FAM131B: variants seen among roughly 807,000 people sequenced by gnomAD.
The protein encoded by FAM131B is family with sequence similarity 131 member B, also known as protein FAM131B.
Under a neutral mutation model 42.0 loss-of-function variants are expected in FAM131B, and 19 were observed. The observed-to-expected ratio is 0.45, with a 90% confidence interval of 0.32 to 0.66. The LOEUF (loss-of-function observed/expected upper bound fraction) is 0.66. Among genes scored for constraint, FAM131B ranks in the 30% least tolerant of loss-of-function variants. The probability of loss-of-function intolerance (pLI) is 0.05; values close to 1 mark genes in which losing one functional copy is unlikely to be tolerated. For missense variants in FAM131B, 370 were observed against 468.4 expected (o/e 0.79, Z 1.94); for synonymous variants, 183 against 177.6 (o/e 1.03, Z -0.24).
In FAM131B at chr7:143,359,056, G is replaced by A; in HGVS notation, c.269-32C>T. On this transcript the variant is annotated intron_variant, in intron 4 of 6. Coordinates refer to ENST00000443739, the MANE Select transcript of FAM131B (RefSeq NM_001031690.3). The surrounding 1 kb of genome is among the most constrained non-coding windows in gnomAD (Gnocchi z 5.4). ...GGCCAGACATTTCCCACATCCTCCA[G>A]AATATCACACAATACCCATAACCAG... 1 of 1,601,484 alleles carries A rather than the reference G, an allele frequency of 6.2e-7. No individual in the cohort carries two copies. Among genetic ancestry groups the A allele is most frequent in the South Asian group, 1.1e-5 (1 of 90,196 alleles).
the FAM131B span, among the ~76,000 whole-genome samples, chr7:143,372,579 G>C: frequency 2.2e-3 from 331 of 152,328 alleles, 2 homozygotes; most frequent in African/African-American, 7.5e-3. Context: ...CCTGCAATGG[G>C]ACTAGCGTGA....
At position 143,359,908 on chromosome 7, in the gene FAM131B, T is replaced by A. The variant is rs1803873653; in HGVS notation, c.138+132A>T. On this transcript the variant is annotated intron_variant, in intron 2 of 6. Coordinates refer to ENST00000443739, the MANE Select transcript of FAM131B (RefSeq NM_001031690.3). This position sits in a 1 kb window ranked among gnomAD's most constrained non-coding sequence, Gnocchi z 5.4. ...TTGATGCCGCTAACTGGGTTCTCCA[T>A]GTGGACTGCTTGGCATGTGTTGTGA... 5 of 992,480 alleles carry A rather than the reference T, an allele frequency of 5.0e-6. No individual in the cohort carries two copies. The highest frequency in any genetic ancestry group is 1.6e-5 in the African/African-American group (1 of 62,472). The allele number at this position is 992,480 out of a possible 1,614,324, so 61.5% of individuals were successfully genotyped here.
the FAM131B span, chr7:143,379,983 T>C: frequency 1.9e-5 from 16 of 837,572 alleles, no homozygotes; most frequent in Middle Eastern, 6.1e-4. Flanking sequence ...TCATAAACTT[T>C]TGGGGTTAGT....
the FAM131B span, among the ~76,000 whole-genome samples, chr7:143,367,916 G>A: frequency 6.6e-6 from 1 of 152,218 alleles, no homozygotes; most frequent in Non-Finnish European, 1.5e-5. Flanking sequence ...TGCTTCAGAT[G>A]ACCAAGGGGA....
chr7:143,359,100 A>C lies in FAM131B; in HGVS notation c.269-76T>G. On this transcript the variant is annotated intron_variant, in intron 4 of 6. Transcript: ENST00000443739. This position sits in a 1 kb window ranked among gnomAD's most constrained non-coding sequence, Gnocchi z 5.4. ...TAACCAGACCCTCCCAGTTCCTCCC[A>C]CCCCAGCCCCATGAGGCTCCATCCC... The C allele has an allele frequency of 6.9e-7, 1 of 1,443,724 alleles. No individual in the cohort carries two copies. The highest frequency in any genetic ancestry group is 9.5e-7 in the Non-Finnish European group (1 of 1,055,348). The allele number at this position is 1,443,724 out of a possible 1,614,324, so 89.4% of individuals were successfully genotyped here. A position where few individuals can be genotyped will look rare whatever the true frequency, so the allele number is the denominator to read the frequency against.
chr7:143,368,595 G>A, the FAM131B span, among the ~76,000 whole-genome samples: 1 of 152,202 alleles, frequency 6.6e-6, no homozygotes, highest in Non-Finnish European at 1.5e-5. Flanking sequence ...CTCTAGGAGA[G>A]AGCTCCTGCC....
Position 143,355,576 on chromosome 7 carries a change from T to C in FAM131B, c.*974A>G, listed in dbSNP as rs1803612861. 6.5e-6 allele frequency: 1 copy of C among 152,770 alleles called. No homozygotes were observed. The highest frequency in any genetic ancestry group is 6.5e-5 in the Admixed American group (1 of 15,302). The allele number at this position is 152,770 out of a possible 1,614,324, so 9.5% of individuals were successfully genotyped here. ...AATGTAGAAAAGGCAAAGAGAAAAG[T>C]GTAAACAGCTTCAGAGGACAGGGGT... On this transcript the variant is annotated 3_prime_UTR_variant, in exon 7 of 7. Transcript: ENST00000443739. The surrounding 1 kb of genome is among the most constrained non-coding windows in gnomAD (Gnocchi z 4.1).
upstream of FAM131B, among the ~76,000 whole-genome samples, chr7:143,363,504 G>C (rs1480110409): frequency 6.6e-6 from 1 of 152,178 alleles, no homozygotes; most frequent in Non-Finnish European, 1.5e-5. Flanking sequence ...AAAGCAAGGC[G>C]GTCCCGAAGC....
chr7:143,355,736 G>T lies in FAM131B; in HGVS notation c.*814C>A, dbSNP rs970226986. The T allele has an allele frequency of 3.9e-5, 6 of 152,668 alleles. No homozygotes were observed. Among genetic ancestry groups the T allele is most frequent in the African/African-American group, 1.4e-4 (6 of 41,456 alleles). 9.5% of individuals were successfully genotyped at this position (152,668 alleles called of 1,614,324 possible). A position where few individuals can be genotyped will look rare whatever the true frequency, so the allele number is the denominator to read the frequency against. On this transcript the variant is annotated 3_prime_UTR_variant, in exon 7 of 7. Coordinates refer to ENST00000443739, the MANE Select transcript of FAM131B (RefSeq NM_001031690.3). This position sits in a 1 kb window ranked among gnomAD's most constrained non-coding sequence, Gnocchi z 4.1. ...GGGATGGAAGAAAGCTGAAAGGGAAGCAAGAGCTGGAGCAGCCAGCCCTGG... is the reference window on the plus strand; with the variant it reads ...GGGATGGAAGAAAGCTGAAAGGGAATCAAGAGCTGGAGCAGCCAGCCCTGG...
chr7:143,377,689 A>T, the FAM131B span, among the ~76,000 whole-genome samples: 2,568 of 152,112 alleles, frequency 0.017, 65 homozygotes, highest in African/African-American at 0.059. Flanking sequence ...AGAAGGGGCG[A>T]ATATATATAT....
At position 143,359,054 on chromosome 7, in the gene FAM131B, C is replaced by T; in HGVS notation, c.269-30G>A. 1.9e-6 allele frequency: 3 copies of T among 1,601,826 alleles called. No homozygotes were observed. Among genetic ancestry groups the T allele is most frequent in the Non-Finnish European group, 2.6e-6 (3 of 1,172,214 alleles). ...GGGGCCAGACATTTCCCACATCCTC[C>T]AGAATATCACACAATACCCATAACC... is the stretch of plus-strand genomic sequence containing the variant. On this transcript the variant is annotated intron_variant, in intron 4 of 6. Transcript: ENST00000443739. This position sits in a 1 kb window ranked among gnomAD's most constrained non-coding sequence, Gnocchi z 5.4.
Position 143,362,561 on chromosome 7 carries a change from G to A in FAM131B, c.28+15C>T, listed in dbSNP as rs1586543424. Reference sequence around the variant, plus strand: ...GGGGGGCCCAGCCCTGCCCCCGCCCGGCCGCGGTACCCACCCACAGTCCGG... The same window carrying A: ...GGGGGGCCCAGCCCTGCCCCCGCCCAGCCGCGGTACCCACCCACAGTCCGG... On this transcript the variant is annotated intron_variant, in intron 1 of 6. Transcript: ENST00000443739. The surrounding 1 kb of genome is among the most constrained non-coding windows in gnomAD (Gnocchi z 7.7). 11 of 1,217,610 alleles carry A rather than the reference G, an allele frequency of 9.0e-6. No individual in the cohort carries two copies. The East Asian group carries it at 2.9e-4, about 32-fold the overall frequency. 75.4% of individuals were successfully genotyped at this position (1,217,610 alleles called of 1,614,324 possible).
Position 143,358,893 on chromosome 7 carries a change from C to A in FAM131B, c.400G>T (p.Val134Leu). 6.2e-7 allele frequency: 1 copy of A among 1,614,140 alleles called. No homozygotes were observed. The highest frequency in any genetic ancestry group is 8.5e-7 in the Non-Finnish European group (1 of 1,180,020). Residue 134 changes from valine to leucine, a missense_variant, in exon 5 of 7, where the codon GTG (valine) becomes TTG (leucine). Coordinates refer to ENST00000443739, the MANE Select transcript of FAM131B (RefSeq NM_001031690.3). The surrounding 1 kb of genome is among the most constrained non-coding windows in gnomAD (Gnocchi z 4.7). ...GAGTAGGCATCCGTATCCCTGCGCA[C>A]GGACTCATGGCTGTGTTGTGGCTGA... Reference protein sequence around the residue: ...AVQPQHSHESVRRDTDAYSDL... With the variant: ...AVQPQHSHESLRRDTDAYSDL...
At chr7:143,370,634 C>T in the FAM131B span, among the ~76,000 whole-genome samples, 4 of 152,234 alleles carry the variant, frequency 2.6e-5, no homozygotes, top group East Asian at 3.9e-4. Context: ...AATGCCATGG[C>T]GACCTCAGGA....
At chr7:143,357,250 C>G in intron 6 of FAM131B, 30 bp downstream of exon 6, 1 of 1,611,452 alleles carries the variant, frequency 6.2e-7, no homozygotes, top group Non-Finnish European at 8.5e-7. Context: ...CTCATAGGCT[C>G]CAGAGTTTGG....
intron 1 of FAM131B, chr7:143,361,991 C>T: frequency 1.1e-6 from 1 of 937,430 alleles, no homozygotes; most frequent in Non-Finnish European, 1.3e-6. Context: ...GCTCATCCCG[C>T]CCCCGCCCCA....
upstream of FAM131B, among the ~76,000 whole-genome samples, chr7:143,364,719 C>T (rs143271387): frequency 1.3e-5 from 2 of 152,328 alleles, no homozygotes; most frequent in East Asian, 3.9e-4. Flanking sequence ...TTCCTTCCTG[C>T]TCCCTATAGG....
chr7:143,373,067 T>C, the FAM131B span, among the ~76,000 whole-genome samples: 5 of 151,960 alleles, frequency 3.3e-5, no homozygotes, highest in Non-Finnish European at 5.9e-5. Flanking sequence ...TACTCATTTA[T>C]TTTTTTTCTT....
In FAM131B at chr7:143,359,630, C is replaced by T. The variant is rs1316369212; in HGVS notation, c.174+102G>A. 7.6e-6 allele frequency: 9 copies of T among 1,183,496 alleles called. No individual in the cohort carries two copies. Among genetic ancestry groups the T allele is most frequent in the African/African-American group, 4.6e-5 (3 of 65,750 alleles). 73.3% of individuals were successfully genotyped at this position (1,183,496 alleles called of 1,614,324 possible). ...TTGAGAACGTGAGTGCTCACAGTGC[C>T]TATTGGAGCCAGGGAATACCGTGCT... On this transcript the variant is annotated intron_variant, in intron 3 of 6. Transcript: ENST00000443739. The surrounding 1 kb of genome is among the most constrained non-coding windows in gnomAD (Gnocchi z 5.4).
Sources: allele counts gnomAD v4.1 joint callset (sites outside exome capture counted in the v4.1 genomes callset), GRCh38; gene constraint gnomAD v4.1.1; non-coding constraint Gnocchi (gnomAD v3.1); transcripts MANE v1.5; gene names NCBI Gene and HGNC (gene_info 2026-07-23, HGNC 2026-07-21).